The following SGMS1 variants were observed in gnomAD, a reference collection of about 807,000 sequenced individuals.
SGMS1 encodes phosphatidylcholine:ceramide cholinephosphotransferase 1.
A neutral mutation model predicts 46.2 loss-of-function variants in SGMS1; 13 were observed. The ratio of observed to expected loss-of-function variants is 0.28; its 90% confidence interval spans 0.18 to 0.45. The LOEUF is 0.45. Ranked by LOEUF, SGMS1 falls within the 20% of genes least tolerant of loss-of-function variation. SGMS1 has a pLI of 1.00. For missense variants in SGMS1, 324 were observed against 519.9 expected (o/e 0.62, Z 3.66); for synonymous variants, 203 against 187.8 (o/e 1.08, Z -0.66).
chr10:50,434,880 T>A (rs1241996792), intron 5 of SGMS1, among the ~76,000 whole-genome samples: 1 of 98,944 alleles, frequency 1.0e-5, no homozygotes, highest in Non-Finnish European at 2.1e-5. Context: ...CAAGACTCCG[T>A]CTCAAAAAAA....
At chr10:50,383,838 C>T (rs962649363) in intron 6 of SGMS1, among the ~76,000 whole-genome samples, 1 of 152,120 alleles carries the variant, frequency 6.6e-6, no homozygotes, top group Non-Finnish European at 1.5e-5. Flanking sequence ...GGGGCTTTGG[C>T]TCAGGGCTAG....
At chr10:50,622,729 G>C (rs1838865541) in intron 1 of SGMS1, among the ~76,000 whole-genome samples, 1 of 152,250 alleles carries the variant, frequency 6.6e-6, no homozygotes, top group African/African-American at 2.4e-5. Context: ...CTCCGGCCAT[G>C]ACAACCCTTA....
chr10:50,411,346 GA>G (rs1425429697), intron 6 of SGMS1, among the ~76,000 whole-genome samples: 1 of 152,144 alleles, frequency 6.6e-6, no homozygotes, highest in African/African-American at 2.4e-5. Flanking sequence ...TTATGTCTAG[GA>G]CGTGTTTGAG....
At chr10:50,386,647 A>C (rs1432594348) in intron 6 of SGMS1, among the ~76,000 whole-genome samples, 1 of 152,126 alleles carries the variant, frequency 6.6e-6, no homozygotes, top group Non-Finnish European at 1.5e-5. Flanking sequence ...GGCCCAGGTG[A>C]CGTCTAAGTT....
rs1422951786 is a variant in SGMS1, at chr10:50,611,643, CT to C, written c.-684+12063del. 2.8e-4 allele frequency among the ~76,000 whole-genome samples: 43 copies of C among 152,330 alleles called. No individual in the cohort carries two copies. The East Asian group carries it at 7.5e-3, about 27-fold the overall frequency. The stretch of plus-strand genomic sequence containing the variant: ...GATGACCAGGACAGCCTGACTTGGG[CT>C]GAAGGCCGTGGGTCCTCTATACAGA... On this transcript the variant is annotated intron_variant, in intron 1 of 10. Coordinates refer to ENST00000361781, the MANE Select transcript of SGMS1 (RefSeq NM_147156.4).
intron 2 of SGMS1, among the ~76,000 whole-genome samples, chr10:50,561,156 C>T (rs187454167): frequency 2.2e-4 from 33 of 152,280 alleles, no homozygotes; most frequent in Admixed American, 9.8e-4. Context: ...AGTTGTGATA[C>T]GACCTCAGGA....
chr10:50,602,334 A>G (rs1401327291), intron 1 of SGMS1, among the ~76,000 whole-genome samples: 2 of 152,228 alleles, frequency 1.3e-5, no homozygotes, highest in African/African-American at 4.8e-5. Flanking sequence ...CACAGGAGCT[A>G]CTTCTGAATT....
chr10:50,403,963 ATCT>A (rs1848976618), intron 6 of SGMS1, among the ~76,000 whole-genome samples: 1 of 152,064 alleles, frequency 6.6e-6, no homozygotes, highest in Non-Finnish European at 1.5e-5. Context: ...CAAAATAAAA[ATCT>A]TTTTAATGGA....
intron 3 of SGMS1, among the ~76,000 whole-genome samples, chr10:50,481,278 T>C (rs1286901046): frequency 6.6e-6 from 1 of 152,160 alleles, no homozygotes; most frequent in East Asian, 1.9e-4. Flanking sequence ...TACAGGAGTG[T>C]TCCAGCTGGC....
At chr10:50,524,900 A>G (rs533643668) in intron 2 of SGMS1, among the ~76,000 whole-genome samples, 21 of 152,360 alleles carry the variant, frequency 1.4e-4, no homozygotes, top group African/African-American at 4.8e-4. Context: ...AGAATCCTTC[A>G]GAAGAGGGTG....
chr10:50,347,217 C>A (rs17179784), intron 6 of SGMS1, among the ~76,000 whole-genome samples: 1 of 152,032 alleles, frequency 6.6e-6, no homozygotes, highest in Non-Finnish European at 1.5e-5. Flanking sequence ...ATCTACATGC[C>A]CAGGGCTCAG....
intron 7 of SGMS1, among the ~76,000 whole-genome samples, chr10:50,337,442 T>C (rs1847733571): frequency 2.0e-5 from 3 of 152,028 alleles, no homozygotes; most frequent in South Asian, 2.1e-4. Flanking sequence ...AATAGAAACC[T>C]CCCCCTCCAA....
chr10:50,398,103 A>G (rs1848872922), intron 6 of SGMS1, among the ~76,000 whole-genome samples: 1 of 152,188 alleles, frequency 6.6e-6, no homozygotes, highest in South Asian at 2.1e-4. Flanking sequence ...TTTTTCTCTC[A>G]GTAATAAAGT....
intron 2 of SGMS1, among the ~76,000 whole-genome samples, chr10:50,536,640 T>C (rs1363556360): frequency 6.6e-6 from 1 of 152,234 alleles, no homozygotes; most frequent in African/African-American, 2.4e-5. Context: ...CAAGTGAATA[T>C]TTTGATTAAT....
At chr10:50,387,991 C>A (rs989566200) in intron 6 of SGMS1, among the ~76,000 whole-genome samples, 1 of 152,158 alleles carries the variant, frequency 6.6e-6, no homozygotes, top group Non-Finnish European at 1.5e-5. Flanking sequence ...TTTACACCTG[C>A]ATTTAGGTAC....
chr10:50,374,448 C>T (rs1848493349), intron 6 of SGMS1, among the ~76,000 whole-genome samples: 1 of 150,878 alleles, frequency 6.6e-6, no homozygotes, highest in Admixed American at 6.6e-5. Flanking sequence ...CCCCCACCCC[C>T]ATTATCTAAT....
At chr10:50,438,397 C>G (rs1283991617) in intron 5 of SGMS1, among the ~76,000 whole-genome samples, 8 of 152,212 alleles carry the variant, frequency 5.3e-5, no homozygotes. Context: ...TGAGGACAAC[C>G]TCCAGCTGAC....
rs1847547501 is a variant in SGMS1 at position 50,327,294 on chromosome 10, T to C, written c.652A>G (p.Ile218Val). The C allele has an allele frequency of 1.9e-6, 3 of 1,608,622 alleles. No individual in the cohort carries two copies. Among genetic ancestry groups the C allele is most frequent in the Non-Finnish European group, 2.5e-6 (3 of 1,176,946 alleles). ...KSIISRRFFC[I>V]VGTLYLYRCI... ...CGATACAGGTACAGCGTGCCAACTA[T>C]GCAGAAAAATCTTCTGCTAATAATA... is the stretch of plus-strand genomic sequence containing the variant. Residue 218 changes from isoleucine to valine, a missense_variant, in exon 8 of 11, where the codon ATA becomes GTA. Coordinates refer to ENST00000361781, the MANE Select transcript of SGMS1 (RefSeq NM_147156.4).
chr10:50,365,832 T>C (rs557098108), intron 6 of SGMS1, among the ~76,000 whole-genome samples: 8 of 152,346 alleles, frequency 5.3e-5, no homozygotes, highest in African/African-American at 1.9e-4. Flanking sequence ...CAGTCTATCA[T>C]TGATGGGCAT....
Sources: gnomAD v4.1 joint callset for allele counts (sites outside exome capture counted in the v4.1 genomes callset) on GRCh38, gnomAD v4.1.1 for gene constraint, MANE v1.5 for transcripts, NCBI Gene and HGNC (gene_info 2026-07-23, HGNC 2026-07-21) for gene names.